SUMF1: variants seen among roughly 807,000 people sequenced by gnomAD.
SUMF1 encodes the protein formylglycine-generating enzyme.
A neutral mutation model predicts 47.6 loss-of-function variants in SUMF1; 48 were observed. The observed-to-expected ratio is 1.01, with a 90% CI of 0.80 to 1.28. The LOEUF (loss-of-function observed/expected upper bound fraction) is 1.28, where lower values mean the gene tolerates loss of function less well. Among genes scored for constraint, SUMF1 ranks in the 50% most tolerant of loss-of-function variants. The probability of loss-of-function intolerance (pLI) is 0.00; values close to 1 mark genes in which losing one functional copy is unlikely to be tolerated. For missense variants in SUMF1, 571 were observed against 485.4 expected, an observed-to-expected ratio of 1.18 and a Z score of -1.66; for synonymous variants, 230 against 192.1, an observed-to-expected ratio of 1.20 and a Z score of -1.63.
At chr3:4,135,183 T>C (rs186263692) in intron 8 of SUMF1, among the ~76,000 whole-genome samples, 10 of 152,202 alleles carry the variant, frequency 6.6e-5, no homozygotes, top group Non-Finnish European at 1.5e-4. Flanking sequence ...AGAGAAAATT[T>C]AGACCAATAT....
chr3:4,424,120 C>A (rs1462182146), intron 3 of SUMF1, among the ~76,000 whole-genome samples: 2 of 152,072 alleles, frequency 1.3e-5, no homozygotes, highest in Non-Finnish European at 2.9e-5. Context: ...AGAAAATGTG[C>A]AATTAGTCAT....
chr3:4,252,551 T>C (rs968309454), intron 8 of SUMF1, among the ~76,000 whole-genome samples: 6 of 152,140 alleles, frequency 3.9e-5, no homozygotes, highest in African/African-American at 1.4e-4. Context: ...ACCAAGCTCA[T>C]TACCAGCCTG....
At position 4,151,511 on chromosome 3, in the gene SUMF1, G is replaced by GTATATATGTGTATATA. The variant is rs1369970097; in HGVS notation, c.1015-82767_1015-82766insTATATACACATATATA. On this transcript the variant is annotated intron_variant and NMD_transcript_variant, in intron 8 of 12. Transcript: ENST00000448413. ...TATATATACGTATATATGTGTATAT[G>GTATATATGTGTATATA]TATACGTATATATGTATATATGTGT... is the stretch of plus-strand genomic sequence containing the variant. Among the ~76,000 whole-genome samples the GTATATATGTGTATATA allele has an allele frequency of 1.7e-4, 24 of 142,896 alleles. 1 individual carries two copies. The South Asian group carries it at 2.3e-3, about 14-fold the overall frequency. 93.7% of individuals were successfully genotyped at this position (142,896 alleles called of 152,430 possible). A position where few individuals can be genotyped will look rare whatever the true frequency, so the allele number is the denominator to read the frequency against.
At chr3:4,369,329 A>G (rs2125201074) in intron 8 of SUMF1, among the ~76,000 whole-genome samples, 1 of 152,292 alleles carries the variant, frequency 6.6e-6, no homozygotes, top group South Asian at 2.1e-4. Flanking sequence ...GGCATCTCCT[A>G]CTATGTGTGA....
chr3:4,154,083 G>A (rs11129901), intron 8 of SUMF1, among the ~76,000 whole-genome samples: 50,069 of 151,226 alleles, frequency 0.33, 9,292 homozygotes, highest in Non-Finnish European at 0.41. Flanking sequence ...GGAATGGCAT[G>A]GCACCAAACC....
At chr3:4,205,535 T>G (rs1031926154) in intron 8 of SUMF1, among the ~76,000 whole-genome samples, 1 of 152,198 alleles carries the variant, frequency 6.6e-6, no homozygotes, top group Non-Finnish European at 1.5e-5. Flanking sequence ...CTTCACACTC[T>G]GGGCTTGTTT....
At chr3:4,087,160 A>G (rs1692689948) in intron 8 of SUMF1, among the ~76,000 whole-genome samples, 1 of 152,176 alleles carries the variant, frequency 6.6e-6, no homozygotes, top group Non-Finnish European at 1.5e-5. Context: ...AAGGTACTGG[A>G]AAGCCAACGT....
At chr3:4,135,036 C>A (rs1205177097) in intron 8 of SUMF1, among the ~76,000 whole-genome samples, 3 of 152,088 alleles carry the variant, frequency 2.0e-5, no homozygotes, top group African/African-American at 7.2e-5. Flanking sequence ...CGAATTCTAC[C>A]AGAGGTACAC....
intron 9 of SUMF1, among the ~76,000 whole-genome samples, chr3:4,038,217 G>A (rs1298683227): frequency 6.6e-6 from 1 of 152,094 alleles, no homozygotes; most frequent in East Asian, 1.9e-4. Context: ...GTCTCCTGGG[G>A]GCTCCACCCC....
intron 8 of SUMF1, among the ~76,000 whole-genome samples, chr3:4,207,857 G>A (rs1328625874): frequency 1.3e-5 from 2 of 152,126 alleles, no homozygotes; most frequent in African/African-American, 4.8e-5. Flanking sequence ...CCAGTGCCCA[G>A]ATAGGAAATG....
chr3:4,079,848 C>G (rs536330200), intron 8 of SUMF1, among the ~76,000 whole-genome samples: 1 of 151,336 alleles, frequency 6.6e-6, no homozygotes, highest in South Asian at 2.1e-4. Context: ...GATGGAGAAG[C>G]TGAAGCTGCA....
At position 4,141,457 on chromosome 3, in the gene SUMF1, C is replaced by T. The variant is rs151028617; in HGVS notation, c.1015-72712G>A. ...TGACCAGCAGCAAAAGCTGGCCTCC[C>T]AGGAAAGGAAGAGCAGGTGTGCCTG... On this transcript the variant is annotated intron_variant and NMD_transcript_variant, in intron 8 of 12. Coordinates refer to the SUMF1 transcript ENST00000448413. Among the ~76,000 whole-genome samples, 427 of 152,198 alleles carry T rather than the reference C, an allele frequency of 2.8e-3. 4 individuals are homozygous for T. The highest frequency in any genetic ancestry group is 1.0e-2 in the African/African-American group (414 of 41,508).
Position 4,434,050 on chromosome 3 carries a change from G to C in SUMF1, c.520-13904C>G, listed in dbSNP as rs191264430. 4.5e-3 allele frequency among the ~76,000 whole-genome samples: 678 copies of C among 152,312 alleles called. 9 individuals carry two copies. Among genetic ancestry groups the C allele is most frequent in the African/African-American group, 0.016 (649 of 41,574 alleles). ...AAGTAAGTCAGGCACAAAAGGACAA[G>C]GATTCCACTTACGTGAGGTACTTAG... is the stretch of plus-strand genomic sequence containing the variant. On this transcript the variant is annotated intron_variant, in intron 3 of 8. Transcript: ENST00000272902.
intron 8 of SUMF1, among the ~76,000 whole-genome samples, chr3:4,203,135 GTTC>G (rs1695575718): frequency 6.6e-6 from 1 of 151,956 alleles, no homozygotes; most frequent in South Asian, 2.1e-4. Flanking sequence ...AAGTGTGATA[GTTC>G]TTCTTTGTTG....
At chr3:4,059,359 G>A (rs189111693) in intron 9 of SUMF1, among the ~76,000 whole-genome samples, 95 of 152,206 alleles carry the variant, frequency 6.2e-4, no homozygotes, top group Non-Finnish European at 1.2e-3. Flanking sequence ...ATGCTCATAG[G>A]AGGAGGAAAA....
intron 9 of SUMF1, among the ~76,000 whole-genome samples, chr3:4,050,782 A>AG (rs1695096947): frequency 6.6e-6 from 1 of 150,424 alleles, no homozygotes; most frequent in Admixed American, 6.6e-5. Flanking sequence ...AAAAAAGAAA[A>AG]GAAAAAGAAA....
intron 8 of SUMF1, among the ~76,000 whole-genome samples, chr3:4,069,307 G>A (rs530928323): frequency 1.3e-5 from 2 of 152,286 alleles, no homozygotes; most frequent in South Asian, 2.1e-4. Flanking sequence ...GCAAATGCAA[G>A]TAGGTCCCAC....
rs2638375 is a variant in SUMF1, at chr3:4,335,973, A to C, written c.1014+40357T>G. Among the ~76,000 whole-genome samples, 22 of 148,310 alleles carry C rather than the reference A, an allele frequency of 1.5e-4. 1 individual carries two copies. In the South Asian group the frequency reaches 4.4e-3, roughly 30 times the overall value. On this transcript the variant is annotated intron_variant and NMD_transcript_variant, in intron 8 of 12. Coordinates refer to the SUMF1 transcript ENST00000448413. Reference sequence around the variant, plus strand: ...GAGATTCCAACTCAAAAAAAAAAAAAAAAAAAACAGAAAAAACCCCCAGCC... The same window carrying C: ...GAGATTCCAACTCAAAAAAAAAAAACAAAAAAACAGAAAAAACCCCCAGCC...
chr3:4,133,848 TCTGA>T (rs1373187538), intron 8 of SUMF1, among the ~76,000 whole-genome samples: 1 of 152,078 alleles, frequency 6.6e-6, no homozygotes, highest in Non-Finnish European at 1.5e-5. Flanking sequence ...TCTAGAGAAC[TCTGA>T]CTAATACAGG....
Sources: allele counts gnomAD v4.1 joint callset (sites outside exome capture counted in the v4.1 genomes callset), GRCh38; gene constraint gnomAD v4.1.1; transcripts MANE v1.5; gene names NCBI Gene and HGNC (gene_info 2026-07-23, HGNC 2026-07-21).